Variants in ZNF682 observed in about 807,000 individuals in gnomAD.
ZNF682 encodes zinc finger protein 682.
ZNF682 carries 29 observed loss-of-function variants against 36.5 expected under a neutral mutation model. That is an observed-to-expected ratio of 0.80 (90% CI 0.59 to 1.08). ZNF682 has a LOEUF of 1.08. ZNF682 is among the 50% of genes least tolerant of loss of function. The pLI, the probability that ZNF682 is intolerant of heterozygous loss-of-function variation, is 0.00. For missense variants in ZNF682, 561 were observed against 579.7 expected (o/e 0.97, Z 0.33); for synonymous variants, 180 against 197.0 (o/e 0.91, Z 0.72).
At chr19:20,032,138 C>T (rs2088484841) in intron 1 of ZNF682, among the ~76,000 whole-genome samples, 1 of 152,194 alleles carries the variant, frequency 6.6e-6, no homozygotes, top group Admixed American at 6.5e-5. Context: ...GAACTTGCAT[C>T]CCTCAGATAA....
In ZNF682 at chr19:20,026,776, C is replaced by T. The variant is rs1052292196; in HGVS notation, c.4-2400G>A. ...CCACTGTGCCCAGTCACAAAGAGAA[C>T]ATTTTTATTCTTACAGGTCATACAC... is the stretch of plus-strand genomic sequence containing the variant. On this transcript the variant is annotated intron_variant, in intron 1 of 3. Coordinates refer to ENST00000397165, the MANE Select transcript of ZNF682 (RefSeq NM_033196.3). Among the ~76,000 whole-genome samples, 103 of 152,216 alleles carry T rather than the reference C, an allele frequency of 6.8e-4. 1 individual carries two copies. The highest frequency in any genetic ancestry group is 1.1e-3 in the Non-Finnish European group (73 of 68,006).
intron 1 of ZNF682, among the ~76,000 whole-genome samples, chr19:20,028,982 T>TC (rs999456772): frequency 1.3e-5 from 2 of 150,900 alleles, no homozygotes; most frequent in African/African-American, 4.9e-5. Context: ...ATCACTGATT[T>TC]TTTTTTTTTT....
rs770513714 is a variant in ZNF682, at chr19:20,006,941, G to A, written c.561C>T (p.Gly187=). 7 of 1,613,250 alleles carry A rather than the reference G, an allele frequency of 4.3e-6. No homozygotes were observed. In the African/African-American group the frequency reaches 8.0e-5, roughly 18 times the overall value. Residue 187 remains glycine (G), a synonymous_variant, in exon 4 of 4, where the codon GGC becomes GGT. Transcript: ENST00000397165. The part of the protein sequence containing the change: ...QCGKVFKSHS[G]LSYHKIIHTE... ...TGTGAATTATCTTATGATAAGAAAG[G>A]CCTGAGTGAGATTTAAAGACTTTGC...
chr19:20,024,946 G>A (rs2088418949), intron 1 of ZNF682, among the ~76,000 whole-genome samples: 1 of 152,242 alleles, frequency 6.6e-6, no homozygotes, highest in Non-Finnish European at 1.5e-5. Context: ...TATAGAATAA[G>A]TTGTAAATAT....
chr19:20,001,835 A>C (rs1376569472), downstream of ZNF682, among the ~76,000 whole-genome samples: 5 of 152,204 alleles, frequency 3.3e-5, no homozygotes, highest in Non-Finnish European at 7.3e-5. Context: ...TCCCATGCCA[A>C]TGAACTCACA....
At chr19:20,002,834 A>C (rs977552534), downstream of ZNF682, among the ~76,000 whole-genome samples, 5 of 152,208 alleles carry the variant, frequency 3.3e-5, no homozygotes, top group African/African-American at 4.8e-5. Flanking sequence ...ACATCTCCCT[A>C]GTGTTCACCT....
chr19:20,020,294 G>C (rs1021125814), intron 3 of ZNF682, among the ~76,000 whole-genome samples: 1 of 151,984 alleles, frequency 6.6e-6, no homozygotes, highest in Non-Finnish European at 1.5e-5. Flanking sequence ...TCAGGAGTTC[G>C]AGACCAGCCT....
chr19:20,006,373 C>CT lies in ZNF682; in HGVS notation c.1128dup (p.Val377SerfsTer3). 6.2e-7 allele frequency: 1 copy of CT among 1,612,730 alleles called. No individual in the cohort carries two copies. Among genetic ancestry groups the CT allele is most frequent in the Non-Finnish European group, 8.5e-7 (1 of 1,179,700 alleles). On this transcript the variant is annotated frameshift_variant, in exon 4 of 4. Coordinates refer to ENST00000397165, the MANE Select transcript of ZNF682 (RefSeq NM_033196.3). LOFTEE classifies it high-confidence loss of function. Reference sequence around the variant, plus strand: ...GTAAGGTATGAGAACCTCTTAAAGACTTTGTCACATTTTTCACATTTGTAG... The same window carrying CT: ...GTAAGGTATGAGAACCTCTTAAAGACTTTTGTCACATTTTTCACATTTGTAG...
chr19:20,038,657 C>G (rs1420443849), intron 1 of ZNF682, among the ~76,000 whole-genome samples: 4 of 150,526 alleles, frequency 2.7e-5, no homozygotes, highest in Non-Finnish European at 5.9e-5. Flanking sequence ...TTGTAAATTG[C>G]TACCTTAGGG....
chr19:20,032,114 C>A (rs993114146), intron 1 of ZNF682, among the ~76,000 whole-genome samples: 4 of 152,136 alleles, frequency 2.6e-5, no homozygotes, highest in African/African-American at 9.7e-5. Flanking sequence ...TCTCTCTGAG[C>A]CTGATAACTA....
intron 1 of ZNF682, among the ~76,000 whole-genome samples, chr19:20,033,278 A>C (rs2088496560): frequency 6.6e-6 from 1 of 152,078 alleles, no homozygotes; most frequent in Non-Finnish European, 1.5e-5. Context: ...GTCTCAAAAA[A>C]ACAAAAAAGA....
At chr19:20,025,807 C>T (rs972409562) in intron 1 of ZNF682, among the ~76,000 whole-genome samples, 5 of 151,968 alleles carry the variant, frequency 3.3e-5, no homozygotes, top group Admixed American at 6.6e-5. Flanking sequence ...TAAATTATAA[C>T]CTGAATCTAA....
chr19:20,027,659 T>C (rs930475401), intron 1 of ZNF682, among the ~76,000 whole-genome samples: 1 of 152,046 alleles, frequency 6.6e-6, no homozygotes, highest in Non-Finnish European at 1.5e-5. Context: ...CTTGGGAGGC[T>C]GAGGCAGGAG....
At position 20,025,840 on chromosome 19, in the gene ZNF682, A is replaced by G. The variant is rs2088426836; in HGVS notation, c.4-1464T>C. Among the ~76,000 whole-genome samples the G allele has an allele frequency of 2.0e-5, 3 of 152,242 alleles. No individual in the cohort carries two copies. In the South Asian group the frequency reaches 6.2e-4, roughly 32 times the overall value. ...TAAGCATAAAGAAACATCTTTATGC[A>G]AAGTTCAAGCTACAGATATCTCCCA... is the stretch of plus-strand genomic sequence containing the variant. On this transcript the variant is annotated intron_variant, in intron 1 of 3. Coordinates refer to ENST00000397165, the MANE Select transcript of ZNF682 (RefSeq NM_033196.3).
chr19:19,995,386 G>C (rs375117753), downstream of ZNF682, among the ~76,000 whole-genome samples: 1 of 151,806 alleles, frequency 6.6e-6, no homozygotes, highest in Non-Finnish European at 1.5e-5. Flanking sequence ...AAGCTTTGGC[G>C]CTATCTGGGA....
At position 20,039,410 on chromosome 19, in the gene ZNF682, G is replaced by A; in HGVS notation, c.-65C>T. 6.2e-7 allele frequency: 1 copy of A among 1,602,552 alleles called. No homozygotes were observed. On this transcript the variant is annotated 5_prime_UTR_variant, in exon 1 of 4. Coordinates refer to ENST00000397165, the MANE Select transcript of ZNF682 (RefSeq NM_033196.3). ...TCTCACAGCATCTGCAAGTCAGAGG[G>A]CAACAGAGGCTGCGACAGTCACCGG...
At chr19:20,039,271 C>A in intron 1 of ZNF682, 72 bp downstream of exon 1, 1 of 1,599,098 alleles carries the variant, frequency 6.3e-7, no homozygotes, top group Non-Finnish European at 8.5e-7. Flanking sequence ...GCCCCAGTCC[C>A]GTCACTGCCG....
chr19:20,020,532 T>A lies in ZNF682; in HGVS notation c.226+2472A>T, dbSNP rs183119714. Among the ~76,000 whole-genome samples the A allele has an allele frequency of 1.1e-4, 16 of 152,124 alleles. No homozygotes were observed. In the East Asian group the frequency reaches 2.1e-3, roughly 20 times the overall value. ...AAATTAATTAAATTAAATTAAATTT[T>A]AAAAAAATTCCACATAATCCAGCAA... On this transcript the variant is annotated intron_variant, in intron 3 of 3. Coordinates refer to ENST00000397165, the MANE Select transcript of ZNF682 (RefSeq NM_033196.3).
At chr19:20,001,973 G>C (rs142185047), downstream of ZNF682, among the ~76,000 whole-genome samples, 186 of 152,266 alleles carry the variant, frequency 1.2e-3, 5 homozygotes, top group Middle Eastern at 0.014. Flanking sequence ...ACATCATGGG[G>C]TCAGTACAAA....
Sources: allele counts gnomAD v4.1 joint callset (sites outside exome capture counted in the v4.1 genomes callset), GRCh38; gene constraint gnomAD v4.1.1; transcripts MANE v1.5; gene names NCBI Gene and HGNC (gene_info 2026-07-23, HGNC 2026-07-21).